ADRA1A: variants seen among roughly 807,000 people sequenced by gnomAD.
The protein encoded by ADRA1A is adrenoceptor alpha 1A.
A neutral mutation model predicts 29.6 loss-of-function variants in ADRA1A; 31 were observed. That is an observed-to-expected ratio of 1.05 (90% CI 0.79 to 1.41). The LOEUF is 1.41. Among genes scored for constraint, ADRA1A ranks in the 40% most tolerant of loss-of-function variants. The pLI is 0.00. For synonymous variants in ADRA1A, 311 were observed against 254.3 expected (o/e 1.22, Z -2.12); for missense variants, 619 against 601.1 (o/e 1.03, Z -0.31).
intron 2 of ADRA1A, among the ~76,000 whole-genome samples, chr8:26,838,634 C>A (rs578207881): frequency 6.6e-6 from 1 of 152,230 alleles, no homozygotes; most frequent in South Asian, 2.1e-4. Context: ...AAGAACTGAG[C>A]CCTGGAGAGA....
At chr8:26,816,263 T>C (rs1480350568) in intron 2 of ADRA1A, among the ~76,000 whole-genome samples, 1 of 152,116 alleles carries the variant, frequency 6.6e-6, no homozygotes, top group Non-Finnish European at 1.5e-5. Flanking sequence ...CCACTGAAAC[T>C]GGGGAAGGGC....
chr8:26,849,703 G>A (rs1812469587), intron 2 of ADRA1A, among the ~76,000 whole-genome samples: 1 of 152,168 alleles, frequency 6.6e-6, no homozygotes, highest in East Asian at 1.9e-4. Flanking sequence ...AAGAGAAAAA[G>A]TACTGTTCCT....
chr8:26,826,219 A>G (rs1810551366), intron 2 of ADRA1A, among the ~76,000 whole-genome samples: 1 of 152,230 alleles, frequency 6.6e-6, no homozygotes, highest in Non-Finnish European at 1.5e-5. Flanking sequence ...TGAAAGTCTC[A>G]TGAGTGATCT....
rs149312010 is a variant in ADRA1A at position 26,859,183 on chromosome 8, G to T, written c.883+4904C>A. 13 of 1,288,994 alleles carry T rather than the reference G, an allele frequency of 1.0e-5. No homozygotes were observed. The East Asian group carries it at 2.8e-4, about 27-fold the overall frequency. 79.8% of individuals were successfully genotyped at this position (1,288,994 alleles called of 1,614,324 possible). A position where few individuals can be genotyped will look rare whatever the true frequency, so the allele number is the denominator to read the frequency against. ...ACAGCCCTTTTCTCCAAAACAGCAC[G>T]TCATATTTAAGAATGTATGTCCCTT... is the stretch of plus-strand genomic sequence containing the variant. On this transcript the variant is annotated intron_variant, in intron 2 of 2. Transcript: ENST00000380573.
rs149509818 is a variant in ADRA1A, at chr8:26,769,464, T to C, written c.*685A>G. 5.3e-4 allele frequency: 520 copies of C among 985,444 alleles called. 1 individual carries two copies. In the African/African-American group the frequency reaches 8.0e-3, roughly 15 times the overall value. 61.0% of individuals were successfully genotyped at this position (985,444 alleles called of 1,614,324 possible). A position where few individuals can be genotyped will look rare whatever the true frequency, so the allele number is the denominator to read the frequency against. ...CTGGTTGGTTCTTTCAACCCTCTCC[T>C]GACCCAAGGATAGAGAACACTACAT... On this transcript the variant is annotated 3_prime_UTR_variant, in exon 3 of 3. Coordinates refer to ENST00000380573, the MANE Select transcript of ADRA1A (RefSeq NM_000680.4).
exon 3 of ADRA1A, chr8:26,748,678 G>A (rs1374914304): frequency 4.0e-5 from 15 of 373,670 alleles, no homozygotes; most frequent in Middle Eastern, 1.9e-3. Flanking sequence ...TCTTGAACCC[G>A]GGAGGCGGAG....
intron 2 of ADRA1A, among the ~76,000 whole-genome samples, chr8:26,842,788 G>A (rs1318561982): frequency 6.6e-6 from 1 of 151,306 alleles, no homozygotes; most frequent in Non-Finnish European, 1.5e-5. Flanking sequence ...CAATAATATT[G>A]TCCCACCAAG....
chr8:26,776,406 G>T (rs951513366), intron 2 of ADRA1A, among the ~76,000 whole-genome samples: 1 of 152,202 alleles, frequency 6.6e-6, no homozygotes, highest in African/African-American at 2.4e-5. Context: ...GAGACACTGG[G>T]CTATGGTAAA....
Position 26,865,356 on chromosome 8 carries a change from T to C in ADRA1A, c.-387A>G, listed in dbSNP as rs1188797120. The stretch of plus-strand genomic sequence containing the variant: ...GAATCTGCTTTTCCGCGCTGTCTTA[T>C]TCGTCCTGGCTGGGGGAAGATTCAG... On this transcript the variant is annotated 5_prime_UTR_variant, in exon 2 of 3. Transcript: ENST00000380573. The surrounding 1 kb of genome is among the most constrained non-coding windows in gnomAD (Gnocchi z 7.6). 9.5e-6 allele frequency: 10 copies of C among 1,054,342 alleles called. No individual in the cohort carries two copies. The highest frequency in any genetic ancestry group is 1.0e-5 in the Non-Finnish European group (9 of 873,588). 65.3% of individuals were successfully genotyped at this position (1,054,342 alleles called of 1,614,324 possible).
At chr8:26,852,191 C>G (rs1812686582) in intron 2 of ADRA1A, among the ~76,000 whole-genome samples, 1 of 152,106 alleles carries the variant, frequency 6.6e-6, no homozygotes, top group South Asian at 2.1e-4. Context: ...AGCAGGAAGG[C>G]AGACTGATTG....
intron 2 of ADRA1A, chr8:26,836,289 GCAAAGACAT>G (rs1447420376): frequency 1.7e-5 from 3 of 172,990 alleles, no homozygotes; most frequent in South Asian, 1.7e-4. Flanking sequence ...GTGACCCTCA[GCAAAGACAT>G]CAACTTTGGA....
chr8:26,849,340 A>T (rs1042808643), intron 2 of ADRA1A, among the ~76,000 whole-genome samples: 5 of 152,214 alleles, frequency 3.3e-5, no homozygotes, highest in Admixed American at 1.3e-4. Flanking sequence ...GCTTACATCC[A>T]GGCAGGATGG....
intron 2 of ADRA1A, among the ~76,000 whole-genome samples, chr8:26,850,911 C>A (rs1812583257): frequency 6.6e-6 from 1 of 152,212 alleles, no homozygotes; most frequent in Admixed American, 6.5e-5. Context: ...AAGTCCACCA[C>A]TGTCGCATGG....
chr8:26,793,776 G>C (rs1262309087), intron 2 of ADRA1A, among the ~76,000 whole-genome samples: 1 of 151,860 alleles, frequency 6.6e-6, no homozygotes, highest in African/African-American at 2.4e-5. Flanking sequence ...AAACTATAAT[G>C]ATTATAGAAG....
intron 2 of ADRA1A, among the ~76,000 whole-genome samples, chr8:26,812,215 A>G (rs1050629302): frequency 2.6e-5 from 4 of 152,174 alleles, no homozygotes; most frequent in African/African-American, 9.7e-5. Flanking sequence ...CGACATTCTC[A>G]TGCCTGCTTC....
chr8:26,834,689 T>G (rs1392387564), intron 2 of ADRA1A, among the ~76,000 whole-genome samples: 2 of 152,204 alleles, frequency 1.3e-5, no homozygotes, highest in Non-Finnish European at 2.9e-5. Context: ...ACTTTGGACC[T>G]GTATTCCTCT....
In ADRA1A at chr8:26,854,373, C is replaced by A. The variant is rs571542364; in HGVS notation, c.883+9714G>T. Reference sequence around the variant, plus strand: ...TGCCACTTCACTCCAGCCTGGGTGACACAGCAAGACCATGTCTGGAACAAA... The same window carrying A: ...TGCCACTTCACTCCAGCCTGGGTGAAACAGCAAGACCATGTCTGGAACAAA... On this transcript the variant is annotated intron_variant, in intron 2 of 2. Transcript: ENST00000380573. 2.3e-5 allele frequency: 3 copies of A among 131,970 alleles called. No homozygotes were observed. The East Asian group carries it at 6.5e-4, about 29-fold the overall frequency. 8.2% of individuals were successfully genotyped at this position (131,970 alleles called of 1,614,324 possible).
At chr8:26,832,647 T>C (rs1314208095) in intron 2 of ADRA1A, among the ~76,000 whole-genome samples, 1 of 151,938 alleles carries the variant, frequency 6.6e-6, no homozygotes, top group Non-Finnish European at 1.5e-5. Context: ...ATGATGACAC[T>C]TTAACAGTTC....
At chr8:26,833,269 T>C (rs1811117442) in intron 2 of ADRA1A, among the ~76,000 whole-genome samples, 1 of 152,090 alleles carries the variant, frequency 6.6e-6, no homozygotes, top group Non-Finnish European at 1.5e-5. Flanking sequence ...TCCCTTGACC[T>C]CGCCACATGG....
Sources: gnomAD v4.1 joint callset for allele counts (sites outside exome capture counted in the v4.1 genomes callset) on GRCh38, gnomAD v4.1.1 for gene constraint, Gnocchi (gnomAD v3.1) non-coding constraint, MANE v1.5 for transcripts, NCBI Gene and HGNC (gene_info 2026-07-23, HGNC 2026-07-21) for gene names.